Variants in AFTPH observed in about 807,000 individuals in gnomAD.
The protein encoded by AFTPH is aftiphilin protein.
A neutral mutation model predicts 72.5 loss-of-function variants in AFTPH; 7 were observed. The observed-to-expected ratio is 0.10, with a 90% CI of 0.05 to 0.18. AFTPH has a LOEUF of 0.18. AFTPH is among the 10% of genes least tolerant of loss of function. The pLI, the probability that AFTPH is intolerant of heterozygous loss-of-function variation, is 1.00. For synonymous variants in AFTPH, 337 were observed against 370.1 expected (o/e 0.91, Z 1.03); for missense variants, 979 against 1,060.5 (o/e 0.92, Z 1.07).
At chr2:64,524,714 G>A in intron 1 of AFTPH, 102 bp downstream of exon 1, 1 of 381,908 alleles carries the variant, frequency 2.6e-6, no homozygotes, top group East Asian at 3.7e-5. Context: ...GGGAGCATCT[G>A]CCCGCCGCGG....
At chr2:64,581,973 T>C (rs998642862) in intron 7 of AFTPH, among the ~76,000 whole-genome samples, 1 of 152,214 alleles carries the variant, frequency 6.6e-6, no homozygotes, top group African/African-American at 2.4e-5. Flanking sequence ...CCTGCAAAAG[T>C]TCAGTTCATT....
At chr2:64,532,415 G>A (rs2103813646) in intron 1 of AFTPH, among the ~76,000 whole-genome samples, 1 of 152,294 alleles carries the variant, frequency 6.6e-6, no homozygotes, top group South Asian at 2.1e-4. Flanking sequence ...CTTGGGTTGG[G>A]CATGATCAAA....
intron 1 of AFTPH, among the ~76,000 whole-genome samples, chr2:64,539,612 C>G (rs1005605393): frequency 3.3e-5 from 5 of 152,110 alleles, no homozygotes; most frequent in Admixed American, 2.6e-4. Context: ...AGTTGGAGCA[C>G]AATTCAAGAG....
At chr2:64,533,575 A>G (rs940487374) in intron 1 of AFTPH, among the ~76,000 whole-genome samples, 2 of 152,164 alleles carry the variant, frequency 1.3e-5, no homozygotes, top group Non-Finnish European at 1.5e-5. Flanking sequence ...TCAGAAATCA[A>G]TATCTTAATT....
At chr2:64,532,822 A>G (rs1391501706) in intron 1 of AFTPH, among the ~76,000 whole-genome samples, 4 of 152,200 alleles carry the variant, frequency 2.6e-5, no homozygotes, top group African/African-American at 7.2e-5. Flanking sequence ...TTGAGTAAGG[A>G]TGAAACCTAG....
intron 1 of AFTPH, among the ~76,000 whole-genome samples, chr2:64,548,407 G>GAAAAAAAAAAAA (rs57995634): frequency 1.7e-5 from 1 of 59,978 alleles, no homozygotes; most frequent in Non-Finnish European, 3.3e-5. Context: ...CTCAAAAAAA[G>GAAAAAAAAAAAA]AAAAAAAAAA....
chr2:64,550,887 C>A (rs868092328), intron 1 of AFTPH, among the ~76,000 whole-genome samples: 3 of 152,130 alleles, frequency 2.0e-5, no homozygotes, highest in Middle Eastern at 6.8e-3. Flanking sequence ...GTATTTCCAA[C>A]TTTTTTTGAG....
intron 1 of AFTPH, among the ~76,000 whole-genome samples, chr2:64,542,360 C>T (rs934950162): frequency 3.3e-5 from 5 of 152,246 alleles, no homozygotes; most frequent in Admixed American, 6.5e-5. Context: ...AGGGAATACC[C>T]TATATATTTC....
At chr2:64,585,607 A>C in intron 8 of AFTPH, 62 bp downstream of exon 9, 1 of 1,536,808 alleles carries the variant, frequency 6.5e-7, no homozygotes, top group Non-Finnish European at 8.7e-7. Flanking sequence ...ACCCAAAGGA[A>C]AAAGCATGTC....
chr2:64,567,472 A>G, intron 2 of AFTPH, 90 bp from the exon 3 acceptor site: 1 of 1,325,784 alleles, frequency 7.5e-7, no homozygotes, highest in South Asian at 1.5e-5. Flanking sequence ...AGTAGTGGAC[A>G]GGGTGTGCGT....
intron 1 of AFTPH, among the ~76,000 whole-genome samples, chr2:64,537,850 T>G (rs1456632985): frequency 2.0e-5 from 3 of 152,214 alleles, no homozygotes; most frequent in Non-Finnish European, 4.4e-5. Context: ...AGAATGCATT[T>G]TGTCTTTGTA....
chr2:64,543,631 C>G (rs1302793461), intron 1 of AFTPH, among the ~76,000 whole-genome samples: 1 of 152,214 alleles, frequency 6.6e-6, no homozygotes, highest in Admixed American at 6.5e-5. Flanking sequence ...AAGAGTCTAT[C>G]CTTTCCCCAC....
intron 4 of AFTPH, 123 bp from the exon 5 acceptor site, chr2:64,569,500 A>C: frequency 8.7e-7 from 1 of 1,152,136 alleles, no homozygotes; most frequent in Non-Finnish European, 1.2e-6. Context: ...GCAATTTTTA[A>C]GTTTCATCAA....
chr2:64,574,551 A>G (rs115372624), intron 6 of AFTPH, among the ~76,000 whole-genome samples: 110 of 152,354 alleles, frequency 7.2e-4, no homozygotes, highest in African/African-American at 2.6e-3. Flanking sequence ...CATACTTTAG[A>G]AAATGTGTAA....
chr2:64,563,639 G>T (rs1197926686), intron 2 of AFTPH, among the ~76,000 whole-genome samples: 6 of 152,038 alleles, frequency 3.9e-5, no homozygotes, highest in Non-Finnish European at 8.8e-5. Flanking sequence ...TAACTTTATT[G>T]TGCTTCTTGG....
intron 1 of AFTPH, among the ~76,000 whole-genome samples, chr2:64,527,152 C>G (rs1481748909): frequency 1.3e-5 from 2 of 152,118 alleles, no homozygotes; most frequent in Non-Finnish European, 2.9e-5. Flanking sequence ...ACAAACATAT[C>G]TTTATATCCT....
chr2:64,558,805 A>G (rs896513936), intron 2 of AFTPH, among the ~76,000 whole-genome samples: 2 of 152,224 alleles, frequency 1.3e-5, no homozygotes, highest in African/African-American at 2.4e-5. Flanking sequence ...GCCGAAGCCT[A>G]TCCCTCCAGC....
intron 7 of AFTPH, 87 bp from the exon 9 acceptor site, chr2:64,585,335 A>C (rs1426681452): frequency 4.0e-6 from 6 of 1,497,808 alleles, no homozygotes; most frequent in Middle Eastern, 1.7e-4. Context: ...AGATGTTTAC[A>C]GAATATTGCC....
At chr2:64,550,500 T>C (rs754585508) in intron 1 of AFTPH, among the ~76,000 whole-genome samples, 1 of 152,230 alleles carries the variant, frequency 6.6e-6, no homozygotes, top group Non-Finnish European at 1.5e-5. Context: ...TATAACATTC[T>C]TGATGTAACA....
Sources: allele counts gnomAD v4.1 joint callset (sites outside exome capture counted in the v4.1 genomes callset), GRCh38; gene constraint gnomAD v4.1.1; transcripts MANE v1.5; gene names NCBI Gene and HGNC (gene_info 2026-07-23, HGNC 2026-07-21).